The following KCNG3 variants were observed in gnomAD, a reference collection of about 807,000 sequenced individuals.
The protein encoded by KCNG3 is voltage-gated potassium channel regulatory subunit KCNG3.
Under a neutral mutation model 29.0 loss-of-function variants are expected in KCNG3, and 15 were observed. The ratio of observed to expected loss-of-function variants is 0.52; its 90% CI spans 0.35 to 0.80. KCNG3 has a LOEUF of 0.80. Ranked by LOEUF, KCNG3 falls within the 30% of genes least tolerant of loss-of-function variation. The pLI is 0.01. For synonymous variants in KCNG3, 322 were observed against 248.9 expected (o/e 1.29, Z -2.76); for missense variants, 512 against 605.7 (o/e 0.85, Z 1.62).
At chr2:42,478,838 G>C (rs531066774) in intron 1 of KCNG3, among the ~76,000 whole-genome samples, 58 of 152,134 alleles carry the variant, frequency 3.8e-4, no homozygotes, top group Admixed American at 9.8e-4. Flanking sequence ...GTGCATCCCA[G>C]TTTATTTCAT....
intron 1 of KCNG3, among the ~76,000 whole-genome samples, chr2:42,452,644 T>G (rs77641452): frequency 0.015 from 2,357 of 152,220 alleles, 51 homozygotes; most frequent in African/African-American, 0.052. Context: ...CTGTGCCTGA[T>G]TTATTTCACT....
chr2:42,403,877 G>C, the KCNG3 span, among the ~76,000 whole-genome samples: 1 of 151,894 alleles, frequency 6.6e-6, no homozygotes, highest in Non-Finnish European at 1.5e-5. Context: ...CTGGGATTAC[G>C]GGCATGAGCT....
intron 1 of KCNG3, among the ~76,000 whole-genome samples, chr2:42,455,920 T>C (rs1410295319): frequency 4.7e-5 from 7 of 149,634 alleles, no homozygotes; most frequent in South Asian, 4.2e-4. Context: ...TATATACATA[T>C]AGTTATTATA....
the KCNG3 span, among the ~76,000 whole-genome samples, chr2:42,433,714 G>C: frequency 6.6e-6 from 1 of 152,134 alleles, no homozygotes; most frequent in South Asian, 2.1e-4. Context: ...CTCCAGCCTG[G>C]GTGACAGAAC....
At chr2:42,451,908 A>AAAC (rs539717843) in intron 1 of KCNG3, among the ~76,000 whole-genome samples, 72 of 151,802 alleles carry the variant, frequency 4.7e-4, no homozygotes, top group African/African-American at 1.2e-3. Flanking sequence ...TCAAAAACAA[A>AAAC]AACAACAACA....
chr2:42,472,904 T>TATATA (rs1553330073), intron 1 of KCNG3, among the ~76,000 whole-genome samples: 4 of 87,164 alleles, frequency 4.6e-5, no homozygotes, highest in South Asian at 6.0e-4. Flanking sequence ...TATATATATA[T>TATATA]TTTTTTTTTT....
the KCNG3 span, among the ~76,000 whole-genome samples, chr2:42,436,821 T>G: frequency 7.2e-5 from 11 of 152,248 alleles, no homozygotes; most frequent in African/African-American, 2.7e-4. Context: ...TCCTCAAATC[T>G]GATTTTACAC....
At chr2:42,456,064 T>G (rs1431934584) in intron 1 of KCNG3, among the ~76,000 whole-genome samples, 1 of 151,616 alleles carries the variant, frequency 6.6e-6, no homozygotes, top group Non-Finnish European at 1.5e-5. Flanking sequence ...TCCAATAACT[T>G]TGTTACTTAC....
At chr2:42,451,586 G>A (rs1400937901) in intron 1 of KCNG3, among the ~76,000 whole-genome samples, 2 of 151,796 alleles carry the variant, frequency 1.3e-5, no homozygotes, top group African/African-American at 4.8e-5. Context: ...TTAGCTGGGC[G>A]TGGTGGTGCA....
At chr2:42,431,642 C>T in the KCNG3 span, among the ~76,000 whole-genome samples, 1 of 152,170 alleles carries the variant, frequency 6.6e-6, no homozygotes, top group Non-Finnish European at 1.5e-5. Flanking sequence ...GGAAATGTTG[C>T]TTGCAGATAA....
chr2:42,468,948 C>T (rs1224940495), intron 1 of KCNG3, among the ~76,000 whole-genome samples: 7 of 97,258 alleles, frequency 7.2e-5, no homozygotes, highest in Non-Finnish European at 1.2e-4. Context: ...AGCAAGACTC[C>T]GTCTCCAAAA....
chr2:42,485,480 T>C (rs995629485), intron 1 of KCNG3, among the ~76,000 whole-genome samples: 5 of 151,812 alleles, frequency 3.3e-5, no homozygotes, highest in South Asian at 2.1e-4. Flanking sequence ...AGTCTCACTC[T>C]GTCACCCAGG....
At chr2:42,466,753 CTTTTT>C (rs1553329192) in intron 1 of KCNG3, among the ~76,000 whole-genome samples, 1 of 134,268 alleles carries the variant, frequency 7.4e-6, no homozygotes. Flanking sequence ...AATACTCTTC[CTTTTT>C]TTTTTTTTTT....
chr2:42,448,318 G>A (rs968881253), intron 1 of KCNG3, among the ~76,000 whole-genome samples: 3 of 151,668 alleles, frequency 2.0e-5, no homozygotes, highest in East Asian at 1.9e-4. Flanking sequence ...ACTATAGCCC[G>A]GGGTCTAAAT....
At chr2:42,390,888 T>C in the KCNG3 span, among the ~76,000 whole-genome samples, 7 of 152,198 alleles carry the variant, frequency 4.6e-5, no homozygotes, top group Non-Finnish European at 7.3e-5. Flanking sequence ...AGAGTCCAAT[T>C]TGGACTCTTT....
chr2:42,454,634 C>A (rs1368685432), intron 1 of KCNG3, among the ~76,000 whole-genome samples: 1 of 151,896 alleles, frequency 6.6e-6, no homozygotes, highest in Non-Finnish European at 1.5e-5. Flanking sequence ...ATCACTTGAA[C>A]CAGGGAGGCA....
At chr2:42,471,497 G>T (rs1363918455) in intron 1 of KCNG3, among the ~76,000 whole-genome samples, 1 of 152,054 alleles carries the variant, frequency 6.6e-6, no homozygotes, top group African/African-American at 2.4e-5. Flanking sequence ...GCGAGGAGGG[G>T]GAACAGGGTG....
rs917358495 is a variant in KCNG3 at position 42,443,259 on chromosome 2, C to T, written c.*675G>A. The stretch of plus-strand genomic sequence containing the variant: ...TTCTTAAATACCTTTTGAGTCATTA[C>T]AGTAAAGAGATAAATCCAAAATGGA... On this transcript the variant is annotated 3_prime_UTR_variant, in exon 2 of 2. Coordinates refer to ENST00000306078, the MANE Select transcript of KCNG3 (RefSeq NM_133329.6). 3.3e-5 allele frequency: 5 copies of T among 152,286 alleles called. No homozygotes were observed. The highest frequency in any genetic ancestry group is 7.4e-5 in the Non-Finnish European group (5 of 67,994). 9.4% of individuals were successfully genotyped at this position (152,286 alleles called of 1,614,324 possible).
At chr2:42,400,729 C>A in the KCNG3 span, among the ~76,000 whole-genome samples, 3 of 151,914 alleles carry the variant, frequency 2.0e-5, no homozygotes. Flanking sequence ...AAGTCTTGGA[C>A]CTGCCGGAGT....
Sources: gnomAD v4.1 joint callset for allele counts (sites outside exome capture counted in the v4.1 genomes callset) on GRCh38, gnomAD v4.1.1 for gene constraint, MANE v1.5 for transcripts, NCBI Gene and HGNC (gene_info 2026-07-23, HGNC 2026-07-21) for gene names.